The following YWHAG variants were observed in gnomAD, a reference collection of about 807,000 sequenced individuals.
YWHAG encodes the protein tyrosine 3-monooxygenase/tryptophan 5-monooxygenase activation protein gamma, also known as 14-3-3 protein gamma.
Under a neutral mutation model 23.3 loss-of-function variants are expected in YWHAG, and 1 was observed. The ratio of observed to expected loss-of-function variants is 0.04; its 90% confidence interval spans 0.02 to 0.20. The LOEUF (loss-of-function observed/expected upper bound fraction) is 0.20. Among genes scored for constraint, YWHAG ranks in the 10% least tolerant of loss-of-function variants. The probability of loss-of-function intolerance (pLI) is 1.00; values close to 1 mark genes in which losing one functional copy is unlikely to be tolerated. For missense variants in YWHAG, 151 were observed against 338.6 expected, an observed-to-expected ratio of 0.45 and a Z score of 4.35; for synonymous variants, 160 against 144.0, an observed-to-expected ratio of 1.11 and a Z score of -0.80.
intron 1 of YWHAG, among the ~76,000 whole-genome samples, chr7:76,353,269 G>A (rs1401480347): frequency 2.0e-5 from 3 of 152,038 alleles, no homozygotes; most frequent in Non-Finnish European, 4.4e-5. Flanking sequence ...CTGGAGTGCA[G>A]TGGTGCAATC....
intron 1 of YWHAG, among the ~76,000 whole-genome samples, chr7:76,332,321 GC>G (rs1803556796): frequency 6.6e-6 from 1 of 152,160 alleles, no homozygotes; most frequent in Admixed American, 6.5e-5. Flanking sequence ...CTGTCATCCA[GC>G]AGACCGCTGT....
intron 1 of YWHAG, among the ~76,000 whole-genome samples, chr7:76,351,632 C>T (rs56322103): frequency 0.2 from 31,106 of 151,970 alleles, 3,408 homozygotes; most frequent in East Asian, 0.33. Context: ...CAAAGGAGTG[C>T]CAACTCTACT....
chr7:76,357,524 C>A (rs1420851109), intron 1 of YWHAG, among the ~76,000 whole-genome samples: 1 of 152,104 alleles, frequency 6.6e-6, no homozygotes, highest in Non-Finnish European at 1.5e-5. Flanking sequence ...TGGTTGACAG[C>A]CCATTAGATA....
At chr7:76,355,656 T>C (rs1803943979) in intron 1 of YWHAG, among the ~76,000 whole-genome samples, 1 of 152,156 alleles carries the variant, frequency 6.6e-6, no homozygotes, top group Non-Finnish European at 1.5e-5. Context: ...GAATGGAATA[T>C]TTAAGATAGA....
intron 1 of YWHAG, among the ~76,000 whole-genome samples, chr7:76,353,919 A>G (rs1475845925): frequency 1.3e-5 from 2 of 152,134 alleles, no homozygotes; most frequent in East Asian, 3.9e-4. Flanking sequence ...AAACGGTACA[A>G]AAAAATAGCC....
intron 1 of YWHAG, among the ~76,000 whole-genome samples, chr7:76,347,699 A>G (rs959817862): frequency 4.6e-5 from 7 of 152,232 alleles, no homozygotes; most frequent in African/African-American, 1.4e-4. Context: ...TCCTCAAAAC[A>G]TGCTCCAAAC....
chr7:76,357,000 T>C (rs1172896108), intron 1 of YWHAG, among the ~76,000 whole-genome samples: 2 of 152,228 alleles, frequency 1.3e-5, no homozygotes, highest in Non-Finnish European at 2.9e-5. Flanking sequence ...GCTATGGATA[T>C]AGGTGCGAGG....
Position 76,345,865 on chromosome 7 carries a change from C to T in YWHAG, c.87+12857G>A, listed in dbSNP as rs547325616. The stretch of plus-strand genomic sequence containing the variant: ...CAGCAGAATTGCTTGAACCGGGACC[C>T]GGGAGATGGAGGTTGCAGGGAGCCG... On this transcript the variant is annotated intron_variant, in intron 1 of 1. Transcript: ENST00000307630. Among the ~76,000 whole-genome samples the T allele has an allele frequency of 7.2e-5, 11 of 151,994 alleles. No homozygotes were observed. The South Asian group carries it at 1.9e-3, about 26-fold the overall frequency.
At chr7:76,338,659 C>A (rs146380912) in intron 1 of YWHAG, among the ~76,000 whole-genome samples, 1 of 151,928 alleles carries the variant, frequency 6.6e-6, no homozygotes, top group East Asian at 1.9e-4. Flanking sequence ...CAGAGAATTT[C>A]TAAGATCAAT....
In YWHAG at chr7:76,330,228, T is replaced by G; in HGVS notation, c.93A>C (p.Thr31=). ...CATTCGACAGTGGCTCATTCAGCTC[T>G]GTCACCTGCCAGGAGGAAAGAACAG... is the stretch of plus-strand genomic sequence containing the variant. ...DDMAAAMKNV[T]ELNEPLSNEE... Residue 31 remains threonine (T), a synonymous_variant, in exon 2 of 2, where the codon ACA becomes ACC. Transcript: ENST00000307630. 1 of 1,611,268 alleles carries G rather than the reference T, an allele frequency of 6.2e-7. No homozygotes were observed. Among genetic ancestry groups the G allele is most frequent in the Non-Finnish European group, 8.5e-7 (1 of 1,179,576 alleles).
intron 1 of YWHAG, among the ~76,000 whole-genome samples, chr7:76,341,579 A>G (rs1213601220): frequency 6.6e-6 from 1 of 152,194 alleles, no homozygotes; most frequent in East Asian, 1.9e-4. Flanking sequence ...TGATGCACTG[A>G]TAACATGCTA....
At chr7:76,357,942 C>G (rs1365047808) in intron 1 of YWHAG, among the ~76,000 whole-genome samples, 1 of 152,192 alleles carries the variant, frequency 6.6e-6, no homozygotes, top group African/African-American at 2.4e-5. Context: ...CATTCACCAC[C>G]TTTTAATTTT....
chr7:76,329,340 A>G lies in YWHAG; in HGVS notation c.*237T>C. The stretch of plus-strand genomic sequence containing the variant: ...AGCTCCACTTGCATGAATCTACAGA[A>G]CAGTCCAGACGCCAGTGTGAGGCTG... On this transcript the variant is annotated 3_prime_UTR_variant, in exon 2 of 2. Transcript: ENST00000307630. This position sits in a 1 kb window ranked among gnomAD's most constrained non-coding sequence, Gnocchi z 6.1. 1.9e-6 allele frequency: 1 copy of G among 536,156 alleles called. No individual in the cohort carries two copies. Among genetic ancestry groups the G allele is most frequent in the Non-Finnish European group, 3.3e-6 (1 of 304,976 alleles). 33.2% of individuals were successfully genotyped at this position (536,156 alleles called of 1,614,324 possible).
chr7:76,327,686 C>CCCCCG lies in YWHAG; in HGVS notation c.*1890_*1891insCGGGG, dbSNP rs1803468436. 2 of 116,976 alleles carry CCCCCG rather than the reference C, an allele frequency of 1.7e-5. No homozygotes were observed. Among genetic ancestry groups the CCCCCG allele is most frequent in the Non-Finnish European group, 1.8e-5 (1 of 55,384 alleles). 7.2% of individuals were successfully genotyped at this position (116,976 alleles called of 1,614,324 possible). On this transcript the variant is annotated 3_prime_UTR_variant, in exon 2 of 2. Transcript: ENST00000307630. ...CTACCCTGCCCCCCCCCCCCTCCCCCCCCAAATCGTCTTCCTCCCATGGCA... is the reference window on the plus strand; with the variant it reads ...CTACCCTGCCCCCCCCCCCCTCCCCCCCCCGCCCAAATCGTCTTCCTCCCATGGCA...
intron 1 of YWHAG, among the ~76,000 whole-genome samples, chr7:76,338,332 TCA>T (rs1382675777): frequency 6.6e-6 from 1 of 152,132 alleles, no homozygotes; most frequent in Non-Finnish European, 1.5e-5. Flanking sequence ...AGGAACAGCC[TCA>T]GAGTCGTGAA....
At chr7:76,347,124 C>T (rs1358455134) in intron 1 of YWHAG, among the ~76,000 whole-genome samples, 1 of 152,140 alleles carries the variant, frequency 6.6e-6, no homozygotes, top group African/African-American at 2.4e-5. Context: ...ACTAAGCGTC[C>T]GTCTCCAGTA....
At position 76,329,537 on chromosome 7, in the gene YWHAG, A is replaced by G. The variant is rs1003223560; in HGVS notation, c.*40T>C. On this transcript the variant is annotated 3_prime_UTR_variant, in exon 2 of 2. Coordinates refer to ENST00000307630, the MANE Select transcript of YWHAG (RefSeq NM_012479.4). The surrounding 1 kb of genome is among the most constrained non-coding windows in gnomAD (Gnocchi z 6.1). ...CTCATGGGAAAAAAATAAAGACTGC[A>G]GTAGTAGCATCCGCGTGCGCTGCCA... 5 of 1,428,014 alleles carry G rather than the reference A, an allele frequency of 3.5e-6. No individual in the cohort carries two copies. The highest frequency in any genetic ancestry group is 3.7e-6 in the Non-Finnish European group (4 of 1,073,240). The allele number at this position is 1,428,014 out of a possible 1,614,324, so 88.5% of individuals were successfully genotyped here. A position where few individuals can be genotyped will look rare whatever the true frequency, so the allele number is the denominator to read the frequency against.
chr7:76,347,442 C>CA (rs1437698175), intron 1 of YWHAG, among the ~76,000 whole-genome samples: 3 of 151,972 alleles, frequency 2.0e-5, no homozygotes, highest in Admixed American at 6.6e-5. Context: ...ACTAAAAATA[C>CA]AAAAAAATTA....
chr7:76,351,346 G>T (rs537736835), intron 1 of YWHAG, among the ~76,000 whole-genome samples: 1 of 151,766 alleles, frequency 6.6e-6, no homozygotes, highest in Non-Finnish European at 1.5e-5. Flanking sequence ...TCTGTTGTTC[G>T]TATTCTCCTC....
Sources: allele counts gnomAD v4.1 joint callset (sites outside exome capture counted in the v4.1 genomes callset), GRCh38; gene constraint gnomAD v4.1.1; non-coding constraint Gnocchi (gnomAD v3.1); transcripts MANE v1.5; gene names NCBI Gene and HGNC (gene_info 2026-07-23, HGNC 2026-07-21).